OGN: variants seen among roughly 807,000 people sequenced by gnomAD.
The protein encoded by OGN is osteoglycin, also known as mimecan.
In OGN, 19 loss-of-function variants were observed where a neutral mutation model predicts 30.8. The observed-to-expected ratio is 0.62, with a 90% CI of 0.43 to 0.90. The LOEUF (loss-of-function observed/expected upper bound fraction) is 0.90, where lower values mean the gene tolerates loss of function less well. Among genes scored for constraint, OGN ranks in the 40% least tolerant of loss-of-function variants. OGN has a pLI of 0.00. For missense variants in OGN, 283 were observed against 349.7 expected, an observed-to-expected ratio of 0.81 and a Z score of 1.52; for synonymous variants, 126 against 128.3, an observed-to-expected ratio of 0.98 and a Z score of 0.12.
chr9:92,383,492 A>G lies in OGN; in HGVS notation c.*2128T>C, dbSNP rs1280171660. Among the ~76,000 whole-genome samples the G allele has an allele frequency of 6.6e-6, 1 of 152,198 alleles. No individual in the cohort carries two copies. Among genetic ancestry groups the G allele is most frequent in the East Asian group, 1.9e-4 (1 of 5,206 alleles). ...TTTCAGCAATGTTAGTAAAAAGTAA[A>G]TCATTTAAAAATTTAAAGCCTCTAA... On this transcript the variant is annotated 3_prime_UTR_variant, in exon 7 of 7. Coordinates refer to ENST00000375561, the MANE Select transcript of OGN (RefSeq NM_014057.5).
chr9:92,387,249 G>A (rs1842469162), intron 5 of OGN, among the ~76,000 whole-genome samples: 2 of 151,652 alleles, frequency 1.3e-5, no homozygotes, highest in African/African-American at 2.4e-5. Flanking sequence ...GCACATGCCT[G>A]TAATCCCAGC....
intron 3 of OGN, among the ~76,000 whole-genome samples, chr9:92,397,179 AAAACAAAC>A (rs1046371616): frequency 8.5e-5 from 13 of 152,214 alleles, no homozygotes; most frequent in Non-Finnish European, 1.6e-4. Flanking sequence ...CCTGTCTAAA[AAAACAAAC>A]AAACAAACAA....
chr9:92,401,476 C>A (rs1843109317), intron 2 of OGN, among the ~76,000 whole-genome samples: 1 of 152,116 alleles, frequency 6.6e-6, no homozygotes, highest in Admixed American at 6.5e-5. Context: ...TCCTGAAATT[C>A]CAAATGAAAG....
At chr9:92,395,626 C>T (rs922495455) in intron 3 of OGN, among the ~76,000 whole-genome samples, 1 of 152,148 alleles carries the variant, frequency 6.6e-6, no homozygotes, top group Admixed American at 6.5e-5. Context: ...TACATTCCTA[C>T]CAGCAGCATA....
chr9:92,390,587 T>TGTGCGC lies in OGN; in HGVS notation c.428-532_428-531insGCGCAC, dbSNP rs749697394. 2.6e-3 allele frequency among the ~76,000 whole-genome samples: 372 copies of TGTGCGC among 141,910 alleles called. 3 individuals are homozygous for TGTGCGC. In the Middle Eastern group the frequency reaches 0.033, roughly 13 times the overall value. 93.1% of individuals were successfully genotyped at this position (141,910 alleles called of 152,430 possible). ...CAGTGTGTGTGTGTGTGTGTGTGTGTGCGCGCGCGCGTACTTGCGTGTGCA... is the reference window on the plus strand; with the variant it reads ...CAGTGTGTGTGTGTGTGTGTGTGTGTGTGCGCGCGCGCGCGCGTACTTGCGTGTGCA... On this transcript the variant is annotated intron_variant, in intron 4 of 6. Coordinates refer to ENST00000375561, the MANE Select transcript of OGN (RefSeq NM_014057.5).
intron 5 of OGN, chr9:92,389,564 G>A (rs1842581814): frequency 4.5e-6 from 1 of 221,436 alleles, no homozygotes; most frequent in East Asian, 1.0e-4. Context: ...GTCATGAGAG[G>A]GCCAACCATG....
At chr9:92,390,200 A>C (rs985238393) in intron 4 of OGN, 144 bp from the exon 5 acceptor site, 3 of 568,802 alleles carry the variant, frequency 5.3e-6, no homozygotes, top group Non-Finnish European at 6.1e-6. Context: ...AGCCCAGTAA[A>C]GTTTTGTGGA....
chr9:92,400,339 C>T (rs1288187733), intron 3 of OGN, among the ~76,000 whole-genome samples: 1 of 152,048 alleles, frequency 6.6e-6, no homozygotes, highest in Non-Finnish European at 1.5e-5. Context: ...TTAGTAGAGA[C>T]AGGGTTTCAC....
intron 4 of OGN, 131 bp from the exon 5 acceptor site, chr9:92,390,187 C>T (rs565073467): frequency 1.1e-4 from 65 of 587,572 alleles, no homozygotes; most frequent in South Asian, 7.3e-4. Context: ...GTTTACAATT[C>T]ATAGCCCAGT....
chr9:92,396,978 C>T lies in OGN; in HGVS notation c.269-3734G>A, dbSNP rs545201068. 8.6e-5 allele frequency among the ~76,000 whole-genome samples: 13 copies of T among 151,920 alleles called. 1 individual carries two copies. The highest frequency in any genetic ancestry group is 3.1e-4 in the African/African-American group (13 of 41,452). On this transcript the variant is annotated intron_variant, in intron 3 of 6. Coordinates refer to ENST00000375561, the MANE Select transcript of OGN (RefSeq NM_014057.5). Reference sequence around the variant, plus strand: ...ATCATTTGAGTCTAGGAGTTTGAGACCAACCTGGGCAACATGATGAAACCT... The same window carrying T: ...ATCATTTGAGTCTAGGAGTTTGAGATCAACCTGGGCAACATGATGAAACCT...
chr9:92,390,163 G>A, intron 4 of OGN, 107 bp from the exon 5 acceptor site: 1 of 662,496 alleles, frequency 1.5e-6, no homozygotes, highest in Non-Finnish European at 2.5e-6. Context: ...TTCATTTTTA[G>A]TGCCTGGTAG....
intron 2 of OGN, 60 bp from the exon 3 acceptor site, chr9:92,401,245 T>C (rs545668633): frequency 1.3e-6 from 1 of 787,256 alleles, no homozygotes; most frequent in Non-Finnish European, 2.2e-6. Context: ...CTCTGTAAAA[T>C]GAAGGGATCA....
At chr9:92,402,364 G>A (rs1843150647) in intron 2 of OGN, among the ~76,000 whole-genome samples, 1 of 152,152 alleles carries the variant, frequency 6.6e-6, no homozygotes, top group South Asian at 2.1e-4. Context: ...ATTATAACTG[G>A]TCAATCTTAT....
chr9:92,403,163 C>G, intron 2 of OGN, 71 bp downstream of exon 2: 1 of 1,041,442 alleles, frequency 9.6e-7, no homozygotes, highest in Non-Finnish European at 1.4e-6. Context: ...CAGACACATT[C>G]AGGAAAAGCA....
intron 4 of OGN, among the ~76,000 whole-genome samples, chr9:92,391,007 G>A (rs1333425314): frequency 6.6e-6 from 1 of 152,106 alleles, no homozygotes; most frequent in African/African-American, 2.4e-5. Context: ...GCTTATGCCT[G>A]TAATCCTAGC....
intron 2 of OGN, 76 bp downstream of exon 2, chr9:92,403,158 A>G: frequency 1.1e-6 from 1 of 916,218 alleles, no homozygotes; most frequent in Non-Finnish European, 1.6e-6. Flanking sequence ...CTTATCAGAC[A>G]CATTCAGGAA....
In OGN at chr9:92,386,247, G is replaced by A. The variant is rs537756920; in HGVS notation, c.680C>T (p.Ser227Phe). The A allele has an allele frequency of 6.2e-7, 1 of 1,613,670 alleles. No individual in the cohort carries two copies. Among genetic ancestry groups the A allele is most frequent in the Non-Finnish European group, 8.5e-7 (1 of 1,179,664 alleles). Residue 227 changes from serine (S) to phenylalanine (F), a missense_variant, in exon 6 of 7, where the codon TCC becomes TTC. Ser to Phe is a radical substitution (Grantham distance 155). Coordinates refer to ENST00000375561, the MANE Select transcript of OGN (RefSeq NM_014057.5). ...ACTTTCTGGTAAATTAAGAGGCACG[G>A]ATTCCAGGGCATTATGGTCCAAGTA... The part of the protein sequence containing the change: ...FLYLDHNALE[S>F]VPLNLPESLR...
At chr9:92,400,227 C>G (rs540682934) in intron 3 of OGN, among the ~76,000 whole-genome samples, 4 of 152,098 alleles carry the variant, frequency 2.6e-5, no homozygotes, top group African/African-American at 7.2e-5. Context: ...CTCGGCTCAC[C>G]GCAACCTCCA....
intron 1 of OGN, among the ~76,000 whole-genome samples, chr9:92,404,152 C>T (rs112636642): frequency 1.8e-4 from 27 of 152,230 alleles, no homozygotes; most frequent in African/African-American, 5.5e-4. Flanking sequence ...CCTTTAGGCT[C>T]ATCAATGGAT....
Sources: gnomAD v4.1 joint callset for allele counts (sites outside exome capture counted in the v4.1 genomes callset) on GRCh38, gnomAD v4.1.1 for gene constraint, MANE v1.5 for transcripts, NCBI Gene and HGNC (gene_info 2026-07-23, HGNC 2026-07-21) for gene names.